Variants in CAPN2 observed in about 807,000 individuals in gnomAD.
The protein encoded by CAPN2 is calpain 2, also known as calpain-2 catalytic subunit.
CAPN2 carries 92 observed loss-of-function variants against 102.3 expected under a neutral mutation model. The ratio of observed to expected loss-of-function variants is 0.90; its 90% CI spans 0.76 to 1.07. The LOEUF is 1.07. CAPN2 is among the 50% of genes least tolerant of loss of function. The pLI, the probability that CAPN2 is intolerant of heterozygous loss-of-function variation, is 0.00. For missense variants in CAPN2, 800 were observed against 909.4 expected, an observed-to-expected ratio of 0.88 and a Z score of 1.55; for synonymous variants, 340 against 355.4, an observed-to-expected ratio of 0.96 and a Z score of 0.49.
chr1:223,764,248 C>A, intron 15 of CAPN2, 41 bp downstream of exon 15: 1 of 1,541,836 alleles, frequency 6.5e-7, no homozygotes, highest in South Asian at 1.1e-5. Context: ...CTGCTCTTTC[C>A]CCTGTGGATG....
intron 7 of CAPN2, 118 bp from the exon 8 acceptor site, chr1:223,751,879 C>T: frequency 1.5e-6 from 1 of 684,106 alleles, no homozygotes; most frequent in East Asian, 2.6e-5. Flanking sequence ...GGCTACTTTC[C>T]CCCTTTCTGG....
rs546379947 is a variant in CAPN2, at chr1:223,745,321, G to A, written c.442G>A (p.Glu148Lys). The A allele has an allele frequency of 9.3e-6, 15 of 1,614,216 alleles. No homozygotes were observed. The highest frequency in any genetic ancestry group is 5.3e-5 in the African/African-American group (4 of 75,058). The change falls in exon 4 of 21, where the codon GAG becomes AAG. Residue 148 changes from glutamate to lysine, a missense_variant. By Grantham distance (56) the Glu-to-Lys change is moderately conservative. Coordinates refer to ENST00000295006, the MANE Select transcript of CAPN2 (RefSeq NM_001748.5). ...IFHFQFWQYGEWVEVVVDDRL... is the reference protein window; with the variant it reads ...IFHFQFWQYGKWVEVVVDDRL... ...TGTTCTGCAGTTCTGGCAATACGGC[G>A]AGTGGGTGGAGGTGGTGGTGGATGA...
intron 16 of CAPN2, among the ~76,000 whole-genome samples, chr1:223,769,198 G>A (rs553383772): frequency 2.0e-5 from 3 of 152,168 alleles, no homozygotes; most frequent in Admixed American, 6.5e-5. Context: ...CAGCTCACTC[G>A]AACCTCCGCC....
At chr1:223,751,022 C>A in intron 7 of CAPN2, 47 bp downstream of exon 7, 1 of 1,384,538 alleles carries the variant, frequency 7.2e-7, no homozygotes, top group Non-Finnish European at 1.0e-6. Flanking sequence ...GTGCATTGTG[C>A]TGGGAGGCTC....
At chr1:223,709,354 A>G (rs1434278365), upstream of CAPN2, among the ~76,000 whole-genome samples, 1 of 152,202 alleles carries the variant, frequency 6.6e-6, no homozygotes, top group Non-Finnish European at 1.5e-5. Flanking sequence ...AGTATAAAAT[A>G]AACACATTTT....
chr1:223,751,889 G>A, intron 7 of CAPN2, 108 bp from the exon 8 acceptor site: 1 of 713,210 alleles, frequency 1.4e-6, no homozygotes, highest in Non-Finnish European at 2.4e-6. Flanking sequence ...CCCCTTTCTG[G>A]AGCCTGAGCC....
intron 2 of CAPN2, among the ~76,000 whole-genome samples, chr1:223,718,596 C>T (rs960815059): frequency 5.3e-5 from 8 of 152,212 alleles, no homozygotes; most frequent in Admixed American, 1.3e-4. Context: ...TTCTTTTACT[C>T]ATAATAAATG....
chr1:223,758,973 G>A, intron 11 of CAPN2: 1 of 405,120 alleles, frequency 2.5e-6, no homozygotes. Flanking sequence ...TTACAGGCGT[G>A]AGCCACCACA....
chr1:223,708,189 C>A (rs1415518255), upstream of CAPN2, among the ~76,000 whole-genome samples: 4 of 152,192 alleles, frequency 2.6e-5, no homozygotes, highest in African/African-American at 9.7e-5. Flanking sequence ...CACAATGGAA[C>A]CTGTGTCCCC....
At chr1:223,711,103 C>G (rs1659718123), upstream of CAPN2, among the ~76,000 whole-genome samples, 1 of 152,216 alleles carries the variant, frequency 6.6e-6, no homozygotes, top group South Asian at 2.1e-4. Context: ...CTGGCTTCTA[C>G]TTAGTAAAGG....
chr1:223,720,529 C>T (rs1277430945), intron 2 of CAPN2, among the ~76,000 whole-genome samples: 2 of 152,002 alleles, frequency 1.3e-5, no homozygotes, highest in African/African-American at 4.8e-5. Context: ...GTTGCGCAGG[C>T]TGGTCTTGAA....
At chr1:223,743,227 C>T (rs931295805) in intron 2 of CAPN2, among the ~76,000 whole-genome samples, 5 of 152,200 alleles carry the variant, frequency 3.3e-5, no homozygotes, top group Non-Finnish European at 1.5e-5. Flanking sequence ...GGCCAGCTGC[C>T]CACCTCGTTG....
rs562071845 is a variant in CAPN2 at position 223,723,577 on chromosome 1, C to T, written c.307+5746C>T. ...TTGCACTTTTCTCCCTTGTGGCTGCCGTCCACACTCCCAGCTGCCTTCCCT... is the reference window on the plus strand; with the variant it reads ...TTGCACTTTTCTCCCTTGTGGCTGCTGTCCACACTCCCAGCTGCCTTCCCT... On this transcript the variant is annotated intron_variant, in intron 2 of 20. Coordinates refer to ENST00000295006, the MANE Select transcript of CAPN2 (RefSeq NM_001748.5). Among the ~76,000 whole-genome samples the T allele has an allele frequency of 4.6e-5, 7 of 152,132 alleles. No individual in the cohort carries two copies. The East Asian group carries it at 9.7e-4, about 21-fold the overall frequency.
intron 2 of CAPN2, among the ~76,000 whole-genome samples, chr1:223,721,638 C>A (rs1163856261): frequency 6.6e-6 from 1 of 152,218 alleles, no homozygotes; most frequent in Admixed American, 6.5e-5. Context: ...CCCCAGAGCA[C>A]CCACTGGGAG....
chr1:223,717,022 G>A (rs145204191), intron 1 of CAPN2, among the ~76,000 whole-genome samples: 16 of 152,168 alleles, frequency 1.1e-4, no homozygotes, highest in East Asian at 3.9e-4. Context: ...CTGTTTCCTC[G>A]TCTGTAAAAG....
chr1:223,755,427 C>T lies in CAPN2; in HGVS notation c.1136-53C>T. Reference sequence around the variant, plus strand: ...AGCCTGAGACCAGGGCCACCCCCCACCCCCATGCATTCCTGCTCAGGGCTG... The same window carrying T: ...AGCCTGAGACCAGGGCCACCCCCCATCCCCATGCATTCCTGCTCAGGGCTG... On this transcript the variant is annotated intron_variant, in intron 9 of 20. Coordinates refer to ENST00000295006, the MANE Select transcript of CAPN2 (RefSeq NM_001748.5). The surrounding 1 kb of genome is among the most constrained non-coding windows in gnomAD (Gnocchi z 4.1). The T allele has an allele frequency of 6.3e-7, 1 of 1,590,458 alleles. No individual in the cohort carries two copies. The highest frequency in any genetic ancestry group is 8.6e-7 in the Non-Finnish European group (1 of 1,162,134).
chr1:223,750,235 C>G (rs1045511101), intron 6 of CAPN2, among the ~76,000 whole-genome samples: 2 of 152,194 alleles, frequency 1.3e-5, no homozygotes, highest in African/African-American at 4.8e-5. Flanking sequence ...CGATTGCTAA[C>G]ATTTGCCATG....
At chr1:223,770,366 C>A in intron 17 of CAPN2, 81 bp from the exon 18 acceptor site, 2 of 871,894 alleles carry the variant, frequency 2.3e-6, no homozygotes, top group Non-Finnish European at 3.8e-6. Flanking sequence ...AAAACTTCAT[C>A]CCCACTCAGC....
chr1:223,703,187 C>A (rs1202683332), intron 1 of CAPN2, among the ~76,000 whole-genome samples: 2 of 152,172 alleles, frequency 1.3e-5, no homozygotes, highest in South Asian at 2.1e-4. Context: ...GACTGTATAA[C>A]CCTGGGTGAC....
Sources: allele counts gnomAD v4.1 joint callset (sites outside exome capture counted in the v4.1 genomes callset), GRCh38; gene constraint gnomAD v4.1.1; non-coding constraint Gnocchi (gnomAD v3.1); transcripts MANE v1.5; gene names NCBI Gene and HGNC (gene_info 2026-07-23, HGNC 2026-07-21).